The following GLIS3 variants were observed in gnomAD, a reference collection of about 807,000 sequenced individuals.
GLIS3 encodes GLIS family zinc finger 3.
In GLIS3, 53 loss-of-function variants were observed where a neutral mutation model predicts 78.6. The observed-to-expected ratio is 0.67, with a 90% CI of 0.54 to 0.85. The LOEUF is 0.85. Ranked by LOEUF, GLIS3 falls within the 40% of genes least tolerant of loss-of-function variation. GLIS3 has a pLI of 0.00. For synonymous variants in GLIS3, 684 were observed against 509.9 expected, an observed-to-expected ratio of 1.34 and a Z score of -4.60; for missense variants, 1,703 against 1,231.1, an observed-to-expected ratio of 1.38 and a Z score of -5.74.
the GLIS3 span, among the ~76,000 whole-genome samples, chr9:4,460,303 T>C: frequency 2.2e-4 from 34 of 152,166 alleles, no homozygotes; most frequent in African/African-American, 7.2e-4. Context: ...TCTTTAATTA[T>C]AAAATGGGGT....
intron 2 of GLIS3, among the ~76,000 whole-genome samples, chr9:4,161,093 AAAG>A (rs1351586611): frequency 6.7e-5 from 10 of 149,832 alleles, no homozygotes; most frequent in Non-Finnish European, 1.0e-4. Context: ...AAAAAAAAAA[AAAG>A]AAAGAAAGAA....
chr9:4,042,059 C>T (rs955882424), intron 4 of GLIS3, among the ~76,000 whole-genome samples: 11 of 152,190 alleles, frequency 7.2e-5, no homozygotes, highest in Non-Finnish European at 1.5e-5. Flanking sequence ...AAGCTACAGG[C>T]CTCATCTACA....
At chr9:4,086,557 A>C (rs1829036284) in intron 4 of GLIS3, among the ~76,000 whole-genome samples, 1 of 152,216 alleles carries the variant, frequency 6.6e-6, no homozygotes. Context: ...ACAAATCTTT[A>C]ACAATCAGTC....
chr9:4,445,957 G>T, the GLIS3 span, among the ~76,000 whole-genome samples: 3 of 152,304 alleles, frequency 2.0e-5, no homozygotes, highest in South Asian at 6.2e-4. Context: ...GCCCAGGATT[G>T]CCAGACTTTC....
chr9:3,825,028 C>T lies in GLIS3; in HGVS notation c.*3244G>A, dbSNP rs1000288718. On this transcript the variant is annotated 3_prime_UTR_variant, in exon 11 of 11. Coordinates refer to ENST00000381971, the MANE Select transcript of GLIS3 (RefSeq NM_001042413.2). Reference sequence around the variant, plus strand: ...TGGCCAAGACAGTCAAATAAAATACCAAATAATTAAATTGAAAATGTACAG... The same window carrying T: ...TGGCCAAGACAGTCAAATAAAATACTAAATAATTAAATTGAAAATGTACAG... 1 of 151,404 alleles carries T rather than the reference C, an allele frequency of 6.6e-6. No individual in the cohort carries two copies. Among genetic ancestry groups the T allele is most frequent in the Non-Finnish European group, 1.5e-5 (1 of 67,932 alleles). 9.4% of individuals were successfully genotyped at this position (151,404 alleles called of 1,614,324 possible).
chr9:4,169,844 T>C (rs1212281250), intron 2 of GLIS3, among the ~76,000 whole-genome samples: 3 of 152,156 alleles, frequency 2.0e-5, no homozygotes, highest in African/African-American at 4.8e-5. Flanking sequence ...CAGTTTTTTT[T>C]GTTGTCTGAA....
intron 2 of GLIS3, among the ~76,000 whole-genome samples, chr9:4,150,349 A>G (rs967669165): frequency 1.3e-5 from 2 of 152,210 alleles, no homozygotes; most frequent in African/African-American, 2.4e-5. Context: ...ATATTCACAT[A>G]AGGAGGAGGA....
At chr9:4,317,462 G>A (rs116990533) in intron 2 of GLIS3, among the ~76,000 whole-genome samples, 2 of 152,282 alleles carry the variant, frequency 1.3e-5, no homozygotes, top group Non-Finnish European at 2.9e-5. Flanking sequence ...TTTGTAATTG[G>A]TATGTCTTTA....
chr9:4,074,141 C>G (rs1827856833), intron 4 of GLIS3, among the ~76,000 whole-genome samples: 1 of 152,138 alleles, frequency 6.6e-6, no homozygotes, highest in Non-Finnish European at 1.5e-5. Flanking sequence ...AGTCTTCTTG[C>G]TAATTTATTG....
chr9:4,186,500 T>C (rs1432563903), intron 2 of GLIS3, among the ~76,000 whole-genome samples: 2 of 151,968 alleles, frequency 1.3e-5, no homozygotes, highest in East Asian at 1.9e-4. Flanking sequence ...TTATAATCCT[T>C]TGGGTATATA....
At chr9:4,426,807 C>T in the GLIS3 span, among the ~76,000 whole-genome samples, 1 of 152,222 alleles carries the variant, frequency 6.6e-6, no homozygotes, top group Non-Finnish European at 1.5e-5. Flanking sequence ...ACAATAATAG[C>T]TCCCACTTCA....
chr9:3,967,457 C>T (rs563563786), intron 4 of GLIS3, among the ~76,000 whole-genome samples: 7 of 151,996 alleles, frequency 4.6e-5, no homozygotes, highest in East Asian at 1.9e-4. Flanking sequence ...GAGCCAAGAT[C>T]GGGCCATTGC....
At chr9:4,369,840 G>T in the GLIS3 span, among the ~76,000 whole-genome samples, 1 of 152,110 alleles carries the variant, frequency 6.6e-6, no homozygotes, top group African/African-American at 2.4e-5. Flanking sequence ...AAAATAAACA[G>T]TTAAAAAGGA....
the GLIS3 span, among the ~76,000 whole-genome samples, chr9:4,432,543 T>C: frequency 2.0e-5 from 3 of 152,088 alleles, no homozygotes; most frequent in Non-Finnish European, 2.9e-5. Context: ...TAGGGACCCA[T>C]GTAAATTTGG....
the GLIS3 span, among the ~76,000 whole-genome samples, chr9:4,443,210 C>G: frequency 3.9e-5 from 6 of 152,332 alleles, no homozygotes; most frequent in Admixed American, 3.9e-4. Context: ...AAGCTACTGT[C>G]TGCTTCTAGA....
At position 3,856,152 on chromosome 9, in the gene GLIS3, A is replaced by T. The variant is rs751465176; in HGVS notation, c.2330T>A (p.Ile777Asn). ...FAPSAPSPHH[I>N]SPRRVPAPSS... The stretch of plus-strand genomic sequence containing the variant: ...AGGAGCTGGAACTCTCCGGGGGCTG[A>T]TGTGGTGAGGAGATGGAGCAGAAGG... Residue 777 changes from isoleucine (I) to asparagine (N), a missense_variant, in exon 9 of 11, where the codon ATC becomes AAC. Physicochemically the swap from Ile to Asn is moderately radical, Grantham distance 149 (BLOSUM62 -3). Transcript: ENST00000381971. The T allele has an allele frequency of 4.3e-6, 7 of 1,614,102 alleles. No individual in the cohort carries two copies. Among genetic ancestry groups the T allele is most frequent in the South Asian group, 3.3e-5 (3 of 91,080 alleles).
chr9:4,385,225 C>T, the GLIS3 span, among the ~76,000 whole-genome samples: 1,155 of 152,272 alleles, frequency 7.6e-3, 10 homozygotes, highest in African/African-American at 0.027. Flanking sequence ...TCCGTTTCTT[C>T]GTGGATTCCC....
chr9:4,417,511 C>T, the GLIS3 span, among the ~76,000 whole-genome samples: 1 of 152,112 alleles, frequency 6.6e-6, no homozygotes, highest in East Asian at 1.9e-4. Flanking sequence ...ACTGACATAA[C>T]CATTTTCTTT....
rs1163056677 is a variant in GLIS3 at position 4,298,865 on chromosome 9, G to A, written c.-99+556C>T. Among the ~76,000 whole-genome samples, 5 of 152,266 alleles carry A rather than the reference G, an allele frequency of 3.3e-5. No homozygotes were observed. In the East Asian group the frequency reaches 5.8e-4, roughly 18 times the overall value. ...CCCGCAATCATGGGGACACCGGCTT[G>A]GATGAGACACAGGCGTGGAAAACAG... On this transcript the variant is annotated intron_variant, in intron 1 of 10. Transcript: ENST00000381971.
Sources: allele counts gnomAD v4.1 joint callset (sites outside exome capture counted in the v4.1 genomes callset), GRCh38; gene constraint gnomAD v4.1.1; transcripts MANE v1.5; gene names NCBI Gene and HGNC (gene_info 2026-07-23, HGNC 2026-07-21).